DCC: variants seen among roughly 807,000 people sequenced by gnomAD.
DCC encodes the protein DCC netrin 1 receptor.
DCC carries 58 observed loss-of-function variants against 172.5 expected under a neutral mutation model. The observed-to-expected ratio is 0.34, with a 90% confidence interval of 0.27 to 0.42. DCC has a LOEUF of 0.42. Ranked by LOEUF, DCC falls within the 10% of genes least tolerant of loss-of-function variation. DCC has a pLI of 1.00. For missense variants in DCC, 1,740 were observed against 1,791.0 expected (o/e 0.97, Z 0.51); for synonymous variants, 709 against 644.5 (o/e 1.10, Z -1.52).
intron 15 of DCC, among the ~76,000 whole-genome samples, chr18:53,349,698 G>A (rs978602623): frequency 3.3e-5 from 5 of 152,174 alleles, no homozygotes; most frequent in Non-Finnish European, 5.9e-5. Context: ...GGCCAAAAGA[G>A]AGCTTGTGCA....
intron 21 of DCC, among the ~76,000 whole-genome samples, chr18:53,433,091 A>G (rs2145113527): frequency 6.6e-6 from 1 of 152,262 alleles, no homozygotes; most frequent in Middle Eastern, 3.4e-3. Context: ...GTTAACCCAC[A>G]TCAATATACT....
intron 1 of DCC, among the ~76,000 whole-genome samples, chr18:52,747,893 C>G (rs1396437044): frequency 6.6e-6 from 1 of 152,198 alleles, no homozygotes; most frequent in Non-Finnish European, 1.5e-5. Context: ...GTAGCCTTGC[C>G]TAATGACACG....
chr18:52,707,581 C>G (rs962083035), intron 1 of DCC, among the ~76,000 whole-genome samples: 1 of 152,098 alleles, frequency 6.6e-6, no homozygotes, highest in African/African-American at 2.4e-5. Context: ...CATTCAAGGG[C>G]TATTCACAAT....
At chr18:53,026,260 C>T (rs1290043780) in intron 5 of DCC, among the ~76,000 whole-genome samples, 1 of 152,038 alleles carries the variant, frequency 6.6e-6, no homozygotes, top group African/African-American at 2.4e-5. Context: ...AATGCTCTGT[C>T]ACATTGGTAC....
chr18:52,775,519 T>G (rs2145174170), intron 2 of DCC, among the ~76,000 whole-genome samples: 1 of 152,348 alleles, frequency 6.6e-6, no homozygotes, highest in South Asian at 2.1e-4. Context: ...GAAGTAGCTC[T>G]CAGCCAATGG....
At chr18:52,792,786 TTC>T in intron 2 of DCC, among the ~76,000 whole-genome samples, 1 of 152,056 alleles carries the variant, frequency 6.6e-6, no homozygotes, top group East Asian at 1.9e-4. Flanking sequence ...TTCCATTCCA[TTC>T]CATTCCATTC....
In DCC at chr18:52,515,510, G is replaced by A. The variant is rs1330299428; in HGVS notation, c.91+174632G>A. On this transcript the variant is annotated intron_variant, in intron 1 of 28. Coordinates refer to ENST00000442544, the MANE Select transcript of DCC (RefSeq NM_005215.4). ...TAGTCCCAGCTACTCGGGAGGCTGA[G>A]GCAGGAGAATGGCGTGAACCCAGGA... 2.7e-5 allele frequency among the ~76,000 whole-genome samples: 4 copies of A among 148,986 alleles called. No homozygotes were observed. In the East Asian group the frequency reaches 6.2e-4, roughly 23 times the overall value.
At chr18:52,715,221 A>T (rs769228037) in intron 1 of DCC, among the ~76,000 whole-genome samples, 43 of 150,720 alleles carry the variant, frequency 2.9e-4, no homozygotes, top group Non-Finnish European at 2.5e-4. Context: ...GTATATATAA[A>T]ATATATATAT....
chr18:53,513,240 A>G (rs1244793859), intron 27 of DCC, among the ~76,000 whole-genome samples: 3 of 152,214 alleles, frequency 2.0e-5, no homozygotes, highest in Non-Finnish European at 4.4e-5. Flanking sequence ...GAAATAAAAT[A>G]CTTTACAGAC....
At chr18:52,598,807 G>C (rs763601673) in intron 1 of DCC, among the ~76,000 whole-genome samples, 2 of 152,138 alleles carry the variant, frequency 1.3e-5, no homozygotes, top group Non-Finnish European at 2.9e-5. Context: ...GGAAGTCCAA[G>C]ATCAAGGCTC....
chr18:52,821,665 CAAACTTTTA>C (rs2038409031), intron 2 of DCC, among the ~76,000 whole-genome samples: 1 of 152,310 alleles, frequency 6.6e-6, no homozygotes, highest in East Asian at 1.9e-4. Context: ...TTAAACTTCT[CAAACTTTTA>C]ACCTAGCTGA....
intron 5 of DCC, among the ~76,000 whole-genome samples, chr18:53,025,651 A>G (rs1375852034): frequency 1.3e-5 from 2 of 152,052 alleles, no homozygotes; most frequent in Non-Finnish European, 2.9e-5. Context: ...CAAAAGTTAT[A>G]TTTATCATGC....
At chr18:52,509,426 T>C (rs1039715770) in intron 1 of DCC, among the ~76,000 whole-genome samples, 1 of 152,190 alleles carries the variant, frequency 6.6e-6, no homozygotes, top group Non-Finnish European at 1.5e-5. Context: ...TATATTTCCA[T>C]TGGACAGCAC....
At position 53,535,116 on chromosome 18, in the gene DCC, C is replaced by T. The variant is rs145457902; in HGVS notation, c.*4463C>T. ...TTTTATTATTGTAGGGTAAATCTGA[C>T]AATTCTGAACTTTGTGAATTGTCAG... On this transcript the variant is annotated 3_prime_UTR_variant, in exon 29 of 29. Transcript: ENST00000442544. 251 of 104,484 alleles carry T rather than the reference C, an allele frequency of 2.4e-3. No individual in the cohort carries two copies. Among genetic ancestry groups the T allele is most frequent in the African/African-American group, 9.0e-3 (242 of 26,800 alleles). The allele number at this position is 104,484 out of a possible 1,614,324, so 6.5% of individuals were successfully genotyped here. A position where few individuals can be genotyped will look rare whatever the true frequency, so the allele number is the denominator to read the frequency against.
intron 18 of DCC, among the ~76,000 whole-genome samples, chr18:53,398,589 A>C (rs943900297): frequency 6.6e-6 from 1 of 152,150 alleles, no homozygotes; most frequent in Admixed American, 6.5e-5. Context: ...ATAAATGTGA[A>C]ATAGTAAGAA....
At chr18:53,195,521 T>G (rs2055430338) in intron 9 of DCC, among the ~76,000 whole-genome samples, 1 of 152,176 alleles carries the variant, frequency 6.6e-6, no homozygotes. Context: ...TGTGCGATCA[T>G]TAATTTAGTT....
At chr18:52,933,083 G>C (rs927480150) in intron 5 of DCC, among the ~76,000 whole-genome samples, 1 of 152,050 alleles carries the variant, frequency 6.6e-6, no homozygotes, top group South Asian at 2.1e-4. Context: ...CACCTTAATA[G>C]CTCATTGCTC....
chr18:53,287,202 A>G (rs1182222032), intron 12 of DCC, among the ~76,000 whole-genome samples: 1 of 152,172 alleles, frequency 6.6e-6, no homozygotes, highest in Non-Finnish European at 1.5e-5. Context: ...ATATTTGCCT[A>G]TTATGTACAT....
At chr18:53,012,380 G>A (rs1179261667) in intron 5 of DCC, among the ~76,000 whole-genome samples, 2 of 151,868 alleles carry the variant, frequency 1.3e-5, no homozygotes, top group East Asian at 3.9e-4. Context: ...ACTACAATAT[G>A]AATAAATCTT....
Sources: allele counts gnomAD v4.1 joint callset (sites outside exome capture counted in the v4.1 genomes callset), GRCh38; gene constraint gnomAD v4.1.1; transcripts MANE v1.5; gene names NCBI Gene and HGNC (gene_info 2026-07-23, HGNC 2026-07-21).